Variants in GRIP1 observed in about 807,000 individuals in gnomAD.
The protein encoded by GRIP1 is glutamate receptor-interacting protein 1.
GRIP1 carries 45 observed loss-of-function variants against 129.9 expected under a neutral mutation model. The observed-to-expected ratio is 0.35, with a 90% CI of 0.27 to 0.44. GRIP1 has a LOEUF of 0.44. Among genes scored for constraint, GRIP1 ranks in the 20% least tolerant of loss-of-function variants. The pLI, the probability that GRIP1 is intolerant of heterozygous loss-of-function variation, is 1.00. For synonymous variants in GRIP1, 530 were observed against 520.8 expected (o/e 1.02, Z -0.24); for missense variants, 1,196 against 1,396.8 (o/e 0.86, Z 2.29).
chr12:66,764,283 A>T (rs539857418), intron 1 of GRIP1, among the ~76,000 whole-genome samples: 3 of 152,298 alleles, frequency 2.0e-5, no homozygotes, highest in African/African-American at 7.2e-5. Flanking sequence ...AACTAGAATT[A>T]TTTTACCTTG....
At chr12:66,975,180 G>A (rs2042133597) in intron 1 of GRIP1, among the ~76,000 whole-genome samples, 1 of 152,078 alleles carries the variant, frequency 6.6e-6, no homozygotes, top group Admixed American at 6.6e-5. Flanking sequence ...ACCCTGCAAG[G>A]TCAGAGGTCA....
intron 1 of GRIP1, among the ~76,000 whole-genome samples, chr12:66,837,920 G>A (rs1025539928): frequency 1.1e-4 from 17 of 152,276 alleles, no homozygotes; most frequent in African/African-American, 2.2e-4. Context: ...GAGGCTGGGC[G>A]CGGTGGCCCA....
intron 2 of GRIP1, among the ~76,000 whole-genome samples, chr12:66,587,776 C>T (rs2063696786): frequency 6.6e-6 from 1 of 152,156 alleles, no homozygotes. Context: ...GGCAAGGGAT[C>T]AATGTGTCAG....
At chr12:66,946,525 G>A (rs1207368123) in intron 1 of GRIP1, among the ~76,000 whole-genome samples, 8 of 151,916 alleles carry the variant, frequency 5.3e-5, no homozygotes, top group Non-Finnish European at 8.8e-5. Context: ...TACCAGGAGT[G>A]TATTATTCTT....
intron 1 of GRIP1, among the ~76,000 whole-genome samples, chr12:67,015,888 G>A (rs1278726366): frequency 3.9e-5 from 6 of 152,178 alleles, no homozygotes; most frequent in Non-Finnish European, 2.9e-5. Flanking sequence ...AGAATAGAGT[G>A]TGAAGTAGAA....
chr12:66,941,117 G>A (rs964116930), intron 1 of GRIP1, among the ~76,000 whole-genome samples: 1 of 151,946 alleles, frequency 6.6e-6, no homozygotes, highest in African/African-American at 2.4e-5. Flanking sequence ...AAGCAAGTAG[G>A]CCTTAACAAC....
intron 7 of GRIP1, among the ~76,000 whole-genome samples, chr12:66,504,860 A>ATCCTTTAT (rs1285477773): frequency 1.1e-4 from 17 of 152,312 alleles, no homozygotes; most frequent in Admixed American, 2.6e-4. Flanking sequence ...TATTGAGAGT[A>ATCCTTTAT]TCCTTTATGC....
At chr12:66,606,804 T>A (rs1290649128) in intron 1 of GRIP1, among the ~76,000 whole-genome samples, 1 of 152,140 alleles carries the variant, frequency 6.6e-6, no homozygotes, top group Non-Finnish European at 1.5e-5. Context: ...TTATCAGTAC[T>A]CACAACAATG....
At chr12:66,904,532 G>A (rs891414892) in intron 1 of GRIP1, among the ~76,000 whole-genome samples, 1 of 152,032 alleles carries the variant, frequency 6.6e-6, no homozygotes, top group Non-Finnish European at 1.5e-5. Context: ...TATCTAATTG[G>A]GGAGTTCATC....
chr12:66,540,880 C>T (rs1328637215), intron 3 of GRIP1, among the ~76,000 whole-genome samples: 10 of 152,162 alleles, frequency 6.6e-5, no homozygotes, highest in South Asian at 2.1e-4. Flanking sequence ...CTGCAACCTC[C>T]GCCTCCTGGG....
At chr12:66,504,776 T>C (rs2060482167) in intron 7 of GRIP1, among the ~76,000 whole-genome samples, 1 of 152,168 alleles carries the variant, frequency 6.6e-6, no homozygotes, top group Admixed American at 6.5e-5. Flanking sequence ...AGAAAGATAA[T>C]AAAACATGCT....
At chr12:66,629,553 T>C (rs575547146) in intron 1 of GRIP1, among the ~76,000 whole-genome samples, 26 of 152,316 alleles carry the variant, frequency 1.7e-4, no homozygotes, top group African/African-American at 6.0e-4. Flanking sequence ...TTAACTCAAG[T>C]GAACATTCAA....
chr12:67,003,765 TCTC>T (rs906278488), intron 1 of GRIP1, among the ~76,000 whole-genome samples: 21 of 150,312 alleles, frequency 1.4e-4, no homozygotes, highest in Non-Finnish European at 2.7e-4. Flanking sequence ...TTTCCCTCTT[TCTC>T]CTATCTATTT....
chr12:66,773,198 T>C (rs11176422), intron 1 of GRIP1, among the ~76,000 whole-genome samples: 3,883 of 152,292 alleles, frequency 0.025, 170 homozygotes, highest in African/African-American at 0.09. Context: ...TGATGTTATG[T>C]CTGGTCTTGG....
intron 1 of GRIP1, among the ~76,000 whole-genome samples, chr12:66,664,962 A>G (rs1349527556): frequency 6.6e-6 from 1 of 151,936 alleles, no homozygotes; most frequent in Non-Finnish European, 1.5e-5. Context: ...CAGTTTCCAA[A>G]CTTCTGAAAA....
chr12:67,000,230 A>C (rs1417956413), intron 1 of GRIP1, among the ~76,000 whole-genome samples: 1 of 152,182 alleles, frequency 6.6e-6, no homozygotes, highest in Non-Finnish European at 1.5e-5. Flanking sequence ...GGGCAAAAGG[A>C]ATACCACATG....
At chr12:66,477,999 A>C (rs2059675259) in intron 7 of GRIP1, among the ~76,000 whole-genome samples, 1 of 152,238 alleles carries the variant, frequency 6.6e-6, no homozygotes, top group African/African-American at 2.4e-5. Context: ...CACCAAAAGC[A>C]ATGGCAACAA....
At chr12:66,414,932 T>TATAAAATAAA (rs56917803) in intron 15 of GRIP1, among the ~76,000 whole-genome samples, 31,027 of 121,690 alleles carry the variant, frequency 0.25, 4,750 homozygotes, top group Middle Eastern at 0.32. Flanking sequence ...TTACACCTTA[T>TATAAAATAAA]ATAAAATAAA....
chr12:66,429,835 A>G (rs1263047044), intron 14 of GRIP1, among the ~76,000 whole-genome samples: 1 of 152,192 alleles, frequency 6.6e-6, no homozygotes, highest in Non-Finnish European at 1.5e-5. Context: ...AATTCATTTA[A>G]TCTTGTCAAC....
Sources: gnomAD v4.1 joint callset for allele counts (sites outside exome capture counted in the v4.1 genomes callset) on GRCh38, gnomAD v4.1.1 for gene constraint, MANE v1.5 for transcripts, NCBI Gene and HGNC (gene_info 2026-07-23, HGNC 2026-07-21) for gene names.